TK2: variants seen among roughly 807,000 people sequenced by gnomAD.
TK2 encodes the protein thymidine kinase 2, mitochondrial.
A neutral mutation model predicts 41.9 loss-of-function variants in TK2; 35 were observed. The observed-to-expected ratio is 0.84, with a 90% CI of 0.64 to 1.11. The LOEUF (loss-of-function observed/expected upper bound fraction) is 1.11. Among genes scored for constraint, TK2 ranks in the 50% least tolerant of loss-of-function variants. The probability of loss-of-function intolerance (pLI) is 0.00; values close to 1 mark genes in which losing one functional copy is unlikely to be tolerated. For synonymous variants in TK2, 128 were observed against 129.1 expected, an observed-to-expected ratio of 0.99 and a Z score of 0.06; for missense variants, 320 against 351.1, an observed-to-expected ratio of 0.91 and a Z score of 0.71.
At chr16:66,531,119 A>G (rs1010248763) in intron 5 of TK2, among the ~76,000 whole-genome samples, 9 of 152,184 alleles carry the variant, frequency 5.9e-5, no homozygotes, top group African/African-American at 2.2e-4. Context: ...CATTAAGCCC[A>G]GCAGTGGTCA....
At chr16:66,528,776 G>A (rs968494913) in intron 6 of TK2, among the ~76,000 whole-genome samples, 1 of 152,306 alleles carries the variant, frequency 6.6e-6, no homozygotes, top group African/African-American at 2.4e-5. Flanking sequence ...GCCAAGGTAA[G>A]CAGAGCTGCC....
chr16:66,548,921 C>G (rs1186611592), intron 2 of TK2, 57 bp downstream of exon 2: 46 of 1,499,562 alleles, frequency 3.1e-5, no homozygotes, highest in African/African-American at 7.0e-5. Flanking sequence ...GCTTTTTTCT[C>G]TCTCCTCTTC....
At chr16:66,531,626 G>C (rs1353211533) in intron 4 of TK2, among the ~76,000 whole-genome samples, 157 bp from the exon 5 acceptor site, 1 of 152,164 alleles carries the variant, frequency 6.6e-6, no homozygotes, top group Non-Finnish European at 1.5e-5. Context: ...CAGCAGGGTG[G>C]ACAAAGGCAG....
intron 3 of TK2, among the ~76,000 whole-genome samples, chr16:66,540,714 A>C (rs1567538853): frequency 6.6e-6 from 1 of 152,212 alleles, no homozygotes; most frequent in Non-Finnish European, 1.5e-5. Context: ...AATTAAATTA[A>C]TTGCCTATGC....
chr16:66,530,042 G>A (rs1304991367), intron 5 of TK2, among the ~76,000 whole-genome samples: 1 of 152,182 alleles, frequency 6.6e-6, no homozygotes, highest in African/African-American at 2.4e-5. Context: ...GCAATTGAGT[G>A]CCTGCTCAGG....
chr16:66,535,631 T>C (rs1289558924), intron 4 of TK2, among the ~76,000 whole-genome samples: 2 of 152,172 alleles, frequency 1.3e-5, no homozygotes, highest in Non-Finnish European at 1.5e-5. Flanking sequence ...CGCCAGATTA[T>C]ATGTTTGACT....
At position 66,541,887 on chromosome 16, in the gene TK2, C is replaced by T; in HGVS notation, c.223G>A (p.Asp75Asn). ...TCLEFFSNATDVEVLTEPVSK... is the reference protein window; with the variant it reads ...TCLEFFSNATNVEVLTEPVSK... ...TAGCATAGAGGCTGTACCTCGACGT[C>T]TGTCGCGTTGGAGAAGAATTCCAGG... The change falls in exon 3 of 10, where the codon GAC becomes AAC. Residue 75 changes from aspartate (D) to asparagine (N), a missense_variant. Coordinates refer to ENST00000544898, the MANE Select transcript of TK2 (RefSeq NM_004614.5). 6.2e-7 allele frequency: 1 copy of T among 1,614,198 alleles called. No individual in the cohort carries two copies. Among genetic ancestry groups the T allele is most frequent in the Non-Finnish European group, 8.5e-7 (1 of 1,180,016 alleles).
chr16:66,542,873 T>C (rs1025181575), intron 2 of TK2, among the ~76,000 whole-genome samples: 4 of 152,076 alleles, frequency 2.6e-5, no homozygotes, highest in African/African-American at 9.7e-5. Context: ...CAAGACTCAG[T>C]AACTTTTTTT....
intron 4 of TK2, among the ~76,000 whole-genome samples, chr16:66,532,763 G>T (rs1965156023): frequency 6.6e-6 from 1 of 151,934 alleles, no homozygotes; most frequent in Non-Finnish European, 1.5e-5. Context: ...AACACTCATG[G>T]ATCAGAAGAA....
chr16:66,522,344 C>T (rs552342150), intron 6 of TK2, among the ~76,000 whole-genome samples: 5 of 152,348 alleles, frequency 3.3e-5, no homozygotes, highest in Non-Finnish European at 4.4e-5. Context: ...CCAGGTCTTA[C>T]TCAGTGTCCC....
intron 3 of TK2, among the ~76,000 whole-genome samples, chr16:66,539,729 A>G (rs1477645275): frequency 1.3e-5 from 2 of 152,200 alleles, no homozygotes; most frequent in South Asian, 4.1e-4. Flanking sequence ...GGAGCTGCAC[A>G]GTACACACTG....
intron 2 of TK2, among the ~76,000 whole-genome samples, chr16:66,542,675 C>T (rs1481465852): frequency 2.6e-5 from 4 of 152,128 alleles, no homozygotes; most frequent in African/African-American, 9.7e-5. Flanking sequence ...CCAGAAACAG[C>T]CTTCTGGGTC....
At chr16:66,537,213 A>G (rs1237716067) in intron 3 of TK2, among the ~76,000 whole-genome samples, 196 bp from the exon 4 acceptor site, 1 of 152,198 alleles carries the variant, frequency 6.6e-6, no homozygotes, top group Non-Finnish European at 1.5e-5. Context: ...GCTTCCTCAC[A>G]TTACTTCCAG....
intron 2 of TK2, among the ~76,000 whole-genome samples, chr16:66,548,381 C>G (rs1303909466): frequency 6.6e-6 from 1 of 152,178 alleles, no homozygotes; most frequent in African/African-American, 2.4e-5. Flanking sequence ...AGGAATTGAG[C>G]CTTGGTTTGT....
rs1014296866 is a variant in TK2, at chr16:66,508,178, T to C, written c.*3790A>G. Reference sequence around the variant, plus strand: ...GACACAGAAAGAAATTCAAGACAGCTTCTGTGGACAGCAGTGAATGGCAAT... The same window carrying C: ...GACACAGAAAGAAATTCAAGACAGCCTCTGTGGACAGCAGTGAATGGCAAT... On this transcript the variant is annotated 3_prime_UTR_variant, in exon 10 of 10. Coordinates refer to ENST00000544898, the MANE Select transcript of TK2 (RefSeq NM_004614.5). The C allele has an allele frequency of 6.6e-6, 1 of 152,244 alleles. No homozygotes were observed. The highest frequency in any genetic ancestry group is 1.5e-5 in the Non-Finnish European group (1 of 68,046). The allele number at this position is 152,244 out of a possible 1,614,324, so 9.4% of individuals were successfully genotyped here.
chr16:66,528,186 G>C (rs377050538), intron 6 of TK2, among the ~76,000 whole-genome samples: 1 of 152,158 alleles, frequency 6.6e-6, no homozygotes, highest in Non-Finnish European at 1.5e-5. Context: ...GTTGACATCC[G>C]AACAGCTCTG....
chr16:66,547,377 G>A (rs1013692776), intron 2 of TK2, among the ~76,000 whole-genome samples: 17 of 152,276 alleles, frequency 1.1e-4, no homozygotes, highest in Admixed American at 2.0e-4. Context: ...CTGGGTGGGG[G>A]TGAGGCCCTT....
intron 6 of TK2, among the ~76,000 whole-genome samples, chr16:66,518,416 G>C (rs1485626141): frequency 6.6e-6 from 1 of 152,146 alleles, no homozygotes; most frequent in East Asian, 1.9e-4. Flanking sequence ...TATGGTCCTA[G>C]CTACTCGGGA....
chr16:66,540,173 C>CTT (rs200305417), intron 3 of TK2, among the ~76,000 whole-genome samples: 39 of 130,740 alleles, frequency 3.0e-4, no homozygotes, highest in East Asian at 2.2e-3. Context: ...TTTCTTTTTT[C>CTT]TTTTTTTTTT....
Sources: allele counts gnomAD v4.1 joint callset (sites outside exome capture counted in the v4.1 genomes callset), GRCh38; gene constraint gnomAD v4.1.1; transcripts MANE v1.5; gene names NCBI Gene and HGNC (gene_info 2026-07-23, HGNC 2026-07-21).